DLG2: variants seen among roughly 807,000 people sequenced by gnomAD.
The protein encoded by DLG2 is disks large homolog 2.
DLG2 carries 45 observed loss-of-function variants against 132.5 expected under a neutral mutation model. That is an observed-to-expected ratio of 0.34 (90% CI 0.27 to 0.44). The LOEUF is 0.44. Among genes scored for constraint, DLG2 ranks in the 20% least tolerant of loss-of-function variants. The pLI is 1.00. For synonymous variants in DLG2, 424 were observed against 419.6 expected (o/e 1.01, Z -0.13); for missense variants, 1,045 against 1,196.9 (o/e 0.87, Z 1.87).
At chr11:85,607,025 C>G (rs534397141) in intron 2 of DLG2, among the ~76,000 whole-genome samples, 7 of 152,314 alleles carry the variant, frequency 4.6e-5, no homozygotes, top group Non-Finnish European at 7.3e-5. Context: ...CAATTCTGGA[C>G]ACATTTTGGC....
rs67059010 is a variant in DLG2, at chr11:83,787,312, G to GT, written c.1723-521dup. Among the ~76,000 whole-genome samples the GT allele has an allele frequency of 1.1e-3, 75 of 69,610 alleles. 1 individual carries two copies. The highest frequency in any genetic ancestry group is 2.4e-3 in the African/African-American group (34 of 13,882). The allele number at this position is 69,610 out of a possible 152,430, so 45.7% of individuals were successfully genotyped here. On this transcript the variant is annotated intron_variant, in intron 17 of 27. Transcript: ENST00000376104. ...GCCTGGTTAGACAGCCTTAAGCCTT[G>GT]TTTTTTTTTTGTTTTTTTTTTTTTT...
intron 18 of DLG2, among the ~76,000 whole-genome samples, chr11:83,726,582 A>G (rs1593181707): frequency 6.6e-6 from 1 of 152,270 alleles, no homozygotes; most frequent in East Asian, 1.9e-4. Flanking sequence ...GCAGGTATTC[A>G]ATCAAATCCC....
intron 15 of DLG2, among the ~76,000 whole-genome samples, chr11:83,881,798 T>A (rs1229125968): frequency 6.6e-6 from 1 of 152,232 alleles, no homozygotes; most frequent in Non-Finnish European, 1.5e-5. Context: ...CTTAAATCTG[T>A]TTATTCTTAT....
intron 3 of DLG2, among the ~76,000 whole-genome samples, chr11:85,467,429 T>G (rs1287944013): frequency 6.6e-6 from 1 of 152,208 alleles, no homozygotes; most frequent in East Asian, 1.9e-4. Context: ...CCATTCAGTA[T>G]GATACTGGCT....
intron 19 of DLG2, among the ~76,000 whole-genome samples, chr11:83,614,046 A>G (rs753616849): frequency 2.0e-5 from 3 of 152,200 alleles, no homozygotes; most frequent in Non-Finnish European, 4.4e-5. Context: ...AAAGAAAGCC[A>G]GTGTGAACTT....
In DLG2 at chr11:84,939,364, T is replaced by A. The variant is rs537593252; in HGVS notation, c.357+172297A>T. On this transcript the variant is annotated intron_variant, in intron 6 of 27. Coordinates refer to ENST00000376104, the MANE Select transcript of DLG2 (RefSeq NM_001142699.3). ...TAATTACATCAGAGTAAATAGGGTA[T>A]CTATCACCTCAAGGATTTATCAATT... Among the ~76,000 whole-genome samples the A allele has an allele frequency of 2.0e-5, 3 of 152,310 alleles. No individual in the cohort carries two copies. In the East Asian group the frequency reaches 5.8e-4, roughly 29 times the overall value.
At chr11:84,598,959 T>A (rs1266249814) in intron 6 of DLG2, among the ~76,000 whole-genome samples, 3 of 141,116 alleles carry the variant, frequency 2.1e-5, no homozygotes, top group African/African-American at 5.4e-5. Context: ...ATAAAACAAA[T>A]CTTGGCCAGG....
chr11:83,986,674 C>A (rs1226792942), intron 11 of DLG2, among the ~76,000 whole-genome samples: 1 of 151,918 alleles, frequency 6.6e-6, no homozygotes, highest in African/African-American at 2.4e-5. Context: ...ACACTCCCAC[C>A]GACAGTGTAA....
chr11:84,927,704 A>C (rs941378959), intron 6 of DLG2, among the ~76,000 whole-genome samples: 27 of 151,982 alleles, frequency 1.8e-4, no homozygotes, highest in Admixed American at 1.2e-3. Context: ...AATTTCATAT[A>C]ATGTTCACAT....
chr11:85,037,393 C>T (rs1004130837), intron 6 of DLG2, among the ~76,000 whole-genome samples: 8 of 152,034 alleles, frequency 5.3e-5, no homozygotes, highest in Non-Finnish European at 1.0e-4. Context: ...GATTATAATG[C>T]CTAACTTAAA....
chr11:84,478,864 G>T (rs902425543), intron 7 of DLG2, among the ~76,000 whole-genome samples: 1 of 152,038 alleles, frequency 6.6e-6, no homozygotes, highest in Non-Finnish European at 1.5e-5. Context: ...ACGTATAAAA[G>T]ATGATTTGTG....
At chr11:83,863,984 G>T (rs2061866566) in intron 16 of DLG2, among the ~76,000 whole-genome samples, 1 of 152,144 alleles carries the variant, frequency 6.6e-6, no homozygotes, top group African/African-American at 2.4e-5. Context: ...ATTAATGCTT[G>T]ACCACAGGAG....
intron 6 of DLG2, among the ~76,000 whole-genome samples, chr11:84,902,036 G>C (rs1271806946): frequency 6.6e-6 from 1 of 152,060 alleles, no homozygotes; most frequent in Non-Finnish European, 1.5e-5. Context: ...AATATCTCCA[G>C]TACTACAAAT....
At chr11:84,062,336 T>C (rs1382175999) in intron 10 of DLG2, among the ~76,000 whole-genome samples, 3 of 152,164 alleles carry the variant, frequency 2.0e-5, no homozygotes, top group Admixed American at 1.3e-4. Flanking sequence ...AGAGAGACTA[T>C]GTCCAGAGTC....
At chr11:85,604,290 G>C (rs1591224901) in intron 2 of DLG2, among the ~76,000 whole-genome samples, 1 of 152,152 alleles carries the variant, frequency 6.6e-6, no homozygotes, top group South Asian at 2.1e-4. Flanking sequence ...TGCTGCTTTT[G>C]ATTATTGAGA....
intron 6 of DLG2, among the ~76,000 whole-genome samples, chr11:84,716,070 C>T (rs1211360620): frequency 6.6e-6 from 1 of 152,076 alleles, no homozygotes; most frequent in Admixed American, 6.6e-5. Flanking sequence ...CTTGACAACA[C>T]TGGTTACCTC....
intron 6 of DLG2, among the ~76,000 whole-genome samples, chr11:84,659,950 T>C (rs1433069755): frequency 1.3e-5 from 2 of 152,114 alleles, no homozygotes; most frequent in African/African-American, 4.8e-5. Context: ...GGGGCTTCTG[T>C]CTTCTACTCA....
intron 16 of DLG2, among the ~76,000 whole-genome samples, chr11:83,849,618 C>A (rs2059287705): frequency 6.6e-6 from 1 of 151,976 alleles, no homozygotes; most frequent in Admixed American, 6.6e-5. Context: ...TGAAGGAGAT[C>A]ACACTTTAAT....
intron 6 of DLG2, chr11:84,545,156 T>C: frequency 2.2e-6 from 1 of 454,198 alleles, no homozygotes; most frequent in Non-Finnish European, 4.3e-6. Context: ...CTGCCATGGC[T>C]AATGCTGCTA....
Sources: gnomAD v4.1 joint callset for allele counts (sites outside exome capture counted in the v4.1 genomes callset) on GRCh38, gnomAD v4.1.1 for gene constraint, MANE v1.5 for transcripts, NCBI Gene and HGNC (gene_info 2026-07-23, HGNC 2026-07-21) for gene names.